The following ADARB2 variants were observed in gnomAD, a reference collection of about 807,000 sequenced individuals.
ADARB2 encodes adenosine deaminase RNA specific B2 (inactive), also known as inactive double-stranded RNA-specific editase B2.
A neutral mutation model predicts 62.2 loss-of-function variants in ADARB2; 25 were observed. The observed-to-expected ratio is 0.40, with a 90% CI of 0.29 to 0.56. The LOEUF is 0.56. Among genes scored for constraint, ADARB2 ranks in the 20% least tolerant of loss-of-function variants. The probability of loss-of-function intolerance (pLI) is 0.43; values close to 1 mark genes in which losing one functional copy is unlikely to be tolerated. For synonymous variants in ADARB2, 572 were observed against 500.8 expected (o/e 1.14, Z -1.90); for missense variants, 1,071 against 1,077.4 (o/e 0.99, Z 0.08).
At chr10:1,658,034 CTGTG>C (rs1263085156) in intron 1 of ADARB2, among the ~76,000 whole-genome samples, 11 of 111,886 alleles carry the variant, frequency 9.8e-5, no homozygotes, top group Admixed American at 7.7e-4. Context: ...CTGTGTGTGT[CTGTG>C]TATCTCTTCT....
intron 3 of ADARB2, among the ~76,000 whole-genome samples, chr10:1,273,907 T>C (rs1475036301): frequency 1.3e-5 from 2 of 152,180 alleles, no homozygotes; most frequent in East Asian, 3.9e-4. Flanking sequence ...GTGGGACCTC[T>C]GCCAGGCCCG....
intron 3 of ADARB2, among the ~76,000 whole-genome samples, chr10:1,301,854 G>A (rs1424471384): frequency 6.6e-6 from 1 of 152,162 alleles, no homozygotes; most frequent in Non-Finnish European, 1.5e-5. Context: ...TGTACCTGCT[G>A]CCTCCACACA....
intron 1 of ADARB2, among the ~76,000 whole-genome samples, chr10:1,427,336 G>A (rs76865516): frequency 0.088 from 13,423 of 152,200 alleles, 638 homozygotes; most frequent in South Asian, 0.19. Flanking sequence ...GTCTGGCAAA[G>A]GACTTATGTC....
At chr10:1,552,924 C>CATTT (rs10665623) in intron 1 of ADARB2, among the ~76,000 whole-genome samples, 94,592 of 151,742 alleles carry the variant, frequency 0.62, 30,483 homozygotes, top group East Asian at 0.82. Context: ...TTAATTAATT[C>CATTT]GTTTAGTCAC....
At chr10:1,630,040 C>T (rs1254192885) in intron 1 of ADARB2, among the ~76,000 whole-genome samples, 1 of 152,162 alleles carries the variant, frequency 6.6e-6, no homozygotes, top group Non-Finnish European at 1.5e-5. Flanking sequence ...ACTTCATGGC[C>T]ACCTAGACAG....
chr10:1,328,343 A>C lies in ADARB2; in HGVS notation c.1077+34685T>G, dbSNP rs74118229. 9.2e-3 allele frequency among the ~76,000 whole-genome samples: 1,394 copies of C among 152,298 alleles called. 25 individuals carry two copies. The highest frequency in any genetic ancestry group is 0.032 in the African/African-American group (1,334 of 41,544). ...TGGAGGGTGGAAGGGATAGGACTGC[A>C]AAATGGCATTGGCCTCGAAGAAAGG... is the stretch of plus-strand genomic sequence containing the variant. On this transcript the variant is annotated intron_variant, in intron 3 of 9. Coordinates refer to ENST00000381312, the MANE Select transcript of ADARB2 (RefSeq NM_018702.4).
At chr10:1,609,328 G>A (rs192763475) in intron 1 of ADARB2, among the ~76,000 whole-genome samples, 18 of 152,284 alleles carry the variant, frequency 1.2e-4, no homozygotes, top group African/African-American at 4.1e-4. Context: ...ACAGAGACCC[G>A]CTGGTCACAG....
At chr10:1,731,634 G>C (rs1835233136) in intron 1 of ADARB2, among the ~76,000 whole-genome samples, 1 of 152,186 alleles carries the variant, frequency 6.6e-6, no homozygotes, top group Non-Finnish European at 1.5e-5. Context: ...AGCAGCCTCT[G>C]TTTCTCTGAG....
intron 1 of ADARB2, among the ~76,000 whole-genome samples, chr10:1,452,992 G>C (rs1245604256): frequency 6.6e-6 from 1 of 152,200 alleles, no homozygotes; most frequent in Non-Finnish European, 1.5e-5. Context: ...GGCCGGGCCT[G>C]ACAATCTGCA....
chr10:1,317,473 G>A (rs1011495971), intron 3 of ADARB2, among the ~76,000 whole-genome samples: 23 of 152,212 alleles, frequency 1.5e-4, no homozygotes, highest in Admixed American at 6.5e-5. Context: ...TTTTGGTGAA[G>A]GGAAATTATT....
At chr10:1,402,854 T>G (rs1832676529) in intron 1 of ADARB2, among the ~76,000 whole-genome samples, 1 of 152,020 alleles carries the variant, frequency 6.6e-6, no homozygotes, top group Non-Finnish European at 1.5e-5. Flanking sequence ...TGTTCGAAAA[T>G]CACTAAGAAT....
chr10:1,666,563 C>T (rs1465346102), intron 1 of ADARB2, among the ~76,000 whole-genome samples: 2 of 152,238 alleles, frequency 1.3e-5, no homozygotes, highest in Non-Finnish European at 2.9e-5. Flanking sequence ...TGGTCTGCCG[C>T]ATCTGGGGTA....
At chr10:1,458,123 G>A (rs2131906299) in intron 1 of ADARB2, among the ~76,000 whole-genome samples, 1 of 152,262 alleles carries the variant, frequency 6.6e-6, no homozygotes, top group South Asian at 2.1e-4. Flanking sequence ...TCACACTCAG[G>A]CCAAACAAAC....
intron 1 of ADARB2, among the ~76,000 whole-genome samples, chr10:1,629,333 G>T (rs1751973064): frequency 6.6e-6 from 1 of 152,080 alleles, no homozygotes; most frequent in African/African-American, 2.4e-5. Flanking sequence ...TTTACTCCTA[G>T]CCATGCTGTC....
Position 1,260,133 on chromosome 10 carries a change from T to G in ADARB2, c.1192+10822A>C, listed in dbSNP as rs569817317. ...TGCTAAAAAAACCTCAATAAATTAG[T>G]TATTGATGGGACGTATCTGAAAATA... On this transcript the variant is annotated intron_variant, in intron 4 of 9. Transcript: ENST00000381312. Among the ~76,000 whole-genome samples, 6 of 152,286 alleles carry G rather than the reference T, an allele frequency of 3.9e-5. 1 individual carries two copies. In the South Asian group the frequency reaches 1.2e-3, roughly 32 times the overall value.
At chr10:1,206,525 G>A (rs1837069670) in intron 7 of ADARB2, among the ~76,000 whole-genome samples, 1 of 152,084 alleles carries the variant, frequency 6.6e-6, no homozygotes, top group East Asian at 1.9e-4. Flanking sequence ...AGAGAACTGC[G>A]GGGTCTCCTC....
chr10:1,191,913 T>G (rs1309581370), intron 8 of ADARB2, among the ~76,000 whole-genome samples: 1 of 152,134 alleles, frequency 6.6e-6, no homozygotes, highest in East Asian at 1.9e-4. Flanking sequence ...ACAAGTGAAT[T>G]AACCACTCCT....
rs540161117 is a variant in ADARB2, at chr10:1,351,708, A to G, written c.1077+11320T>C. ...ATTAAAACCTAATCACCGTTACCCCACTCAATGCCAATATCTCATCCCACA... is the reference window on the plus strand; with the variant it reads ...ATTAAAACCTAATCACCGTTACCCCGCTCAATGCCAATATCTCATCCCACA... On this transcript the variant is annotated intron_variant, in intron 3 of 9. Coordinates refer to ENST00000381312, the MANE Select transcript of ADARB2 (RefSeq NM_018702.4). 3.6e-4 allele frequency among the ~76,000 whole-genome samples: 55 copies of G among 151,722 alleles called. No homozygotes were observed. In the East Asian group the frequency reaches 9.3e-3, roughly 26 times the overall value.
chr10:1,474,797 C>T (rs192661629), intron 1 of ADARB2, among the ~76,000 whole-genome samples: 1 of 152,090 alleles, frequency 6.6e-6, no homozygotes, highest in East Asian at 1.9e-4. Flanking sequence ...TGTGCAAAGT[C>T]GGGATGGAAA....
Sources: gnomAD v4.1 joint callset for allele counts (sites outside exome capture counted in the v4.1 genomes callset) on GRCh38, gnomAD v4.1.1 for gene constraint, MANE v1.5 for transcripts, NCBI Gene and HGNC (gene_info 2026-07-23, HGNC 2026-07-21) for gene names.